AGO3: variants seen among roughly 807,000 people sequenced by gnomAD.
AGO3 encodes argonaute RISC catalytic component 3.
A neutral mutation model predicts 105.5 loss-of-function variants in AGO3; 16 were observed. The ratio of observed to expected loss-of-function variants is 0.15; its 90% CI spans 0.10 to 0.23. AGO3 has a LOEUF of 0.23. AGO3 is among the 10% of genes least tolerant of loss of function. The probability of loss-of-function intolerance (pLI) is 1.00; values close to 1 mark genes in which losing one functional copy is unlikely to be tolerated. For synonymous variants in AGO3, 340 were observed against 367.3 expected (o/e 0.93, Z 0.85); for missense variants, 534 against 1,088.0 (o/e 0.49, Z 7.16).
intron 17 of AGO3, among the ~76,000 whole-genome samples, chr1:36,047,221 C>T (rs781000513): frequency 2.6e-5 from 4 of 151,336 alleles, no homozygotes; most frequent in African/African-American, 4.9e-5. Flanking sequence ...CCGGCCTGGG[C>T]AACAAGAGCG....
intron 12 of AGO3, among the ~76,000 whole-genome samples, chr1:36,033,154 CA>C (rs530254923): frequency 2.0e-5 from 3 of 150,354 alleles, no homozygotes; most frequent in African/African-American, 4.9e-5. Flanking sequence ...AAAATAAAAA[CA>C]AAAAAAATAA....
chr1:36,011,250 T>C (rs1373080173), intron 9 of AGO3, among the ~76,000 whole-genome samples: 5 of 152,164 alleles, frequency 3.3e-5, no homozygotes, highest in Non-Finnish European at 7.4e-5. Flanking sequence ...TTATTGAAAA[T>C]AGGGATGCAA....
chr1:36,010,342 A>G (rs1403132183), intron 9 of AGO3, among the ~76,000 whole-genome samples: 1 of 152,054 alleles, frequency 6.6e-6, no homozygotes, highest in Non-Finnish European at 1.5e-5. Flanking sequence ...AGTGGCTCAC[A>G]TCTGTATTCC....
chr1:36,003,813 A>T (rs910403192), intron 5 of AGO3, among the ~76,000 whole-genome samples: 1 of 149,322 alleles, frequency 6.7e-6, no homozygotes, highest in Admixed American at 6.7e-5. Flanking sequence ...GACAGGGAAA[A>T]CTCTCTTTAG....
intron 1 of AGO3, among the ~76,000 whole-genome samples, chr1:35,943,625 A>G (rs2148747418): frequency 1.5e-5 from 2 of 136,032 alleles, no homozygotes; most frequent in Admixed American, 1.5e-4. Context: ...TTTTTAAGTA[A>G]AAGGGTCTCG....
At chr1:35,933,930 A>G (rs916713063) in intron 1 of AGO3, among the ~76,000 whole-genome samples, 2 of 152,142 alleles carry the variant, frequency 1.3e-5, no homozygotes, top group Non-Finnish European at 2.9e-5. Context: ...CTTTCATATG[A>G]AATATTTTAA....
chr1:36,009,673 AC>A (rs1407698083), intron 9 of AGO3, 79 bp downstream of exon 9: 1 of 1,397,020 alleles, frequency 7.2e-7, no homozygotes, highest in South Asian at 1.4e-5. Flanking sequence ...GTCCTTATCA[AC>A]CCATACCTTA....
intron 5 of AGO3, among the ~76,000 whole-genome samples, chr1:35,975,929 T>C (rs183356145): frequency 1.2e-3 from 184 of 152,076 alleles, no homozygotes; most frequent in Middle Eastern, 3.4e-3. Flanking sequence ...TTCTTTTTTT[T>C]TTTCTTTCTT....
chr1:35,943,706 C>T (rs1646302195), intron 1 of AGO3, among the ~76,000 whole-genome samples: 1 of 151,314 alleles, frequency 6.6e-6, no homozygotes, highest in Admixed American at 6.6e-5. Flanking sequence ...GGGGCTCAAG[C>T]GATTCTACCA....
rs77681801 is a variant in AGO3, at chr1:35,999,609, G to C, written c.659-4732G>C. On this transcript the variant is annotated intron_variant, in intron 5 of 18. Coordinates refer to ENST00000373191, the MANE Select transcript of AGO3 (RefSeq NM_024852.4). Reference sequence around the variant, plus strand: ...CTTTTGTTTAGATTTCATCTCAAATGCCTTATGTTTTTTGTTGTGATCATA... The same window carrying C: ...CTTTTGTTTAGATTTCATCTCAAATCCCTTATGTTTTTTGTTGTGATCATA... 4.4e-3 allele frequency among the ~76,000 whole-genome samples: 677 copies of C among 152,190 alleles called. 6 individuals are homozygous for C. The highest frequency in any genetic ancestry group is 0.015 in the African/African-American group (629 of 41,540).
intron 12 of AGO3, among the ~76,000 whole-genome samples, chr1:36,032,924 A>C (rs1641847803): frequency 6.6e-6 from 1 of 152,040 alleles, no homozygotes; most frequent in African/African-American, 2.4e-5. Flanking sequence ...CAGGAGTTCA[A>C]GACCAGCCTG....
chr1:35,996,896 A>T (rs1227536895), intron 5 of AGO3, among the ~76,000 whole-genome samples: 1 of 152,256 alleles, frequency 6.6e-6, no homozygotes, highest in East Asian at 1.9e-4. Context: ...TAGATTGACT[A>T]AATTTAAAAG....
In AGO3 at chr1:36,008,541, G is replaced by A. The variant is rs1371777875; in HGVS notation, c.794-149G>A. 2.9e-6 allele frequency: 2 copies of A among 700,412 alleles called. No individual in the cohort carries two copies. 43.4% of individuals were successfully genotyped at this position (700,412 alleles called of 1,614,324 possible). On this transcript the variant is annotated intron_variant, in intron 6 of 18. Transcript: ENST00000373191. The surrounding 1 kb of genome is among the most constrained non-coding windows in gnomAD (Gnocchi z 5.1). ...GTGACCATTATTAGCAATGTTATAT[G>A]TAAAATCTGGTGTTTATATCATCTT...
intron 12 of AGO3, 58 bp from the exon 13 acceptor site, chr1:36,034,116 A>G: frequency 7.0e-7 from 1 of 1,419,138 alleles, no homozygotes; most frequent in Non-Finnish European, 9.3e-7. Context: ...TATTTTCAGT[A>G]TGTAAAATTA....
At chr1:35,933,236 T>C (rs1465116096) in intron 1 of AGO3, among the ~76,000 whole-genome samples, 1 of 152,238 alleles carries the variant, frequency 6.6e-6, no homozygotes, top group Non-Finnish European at 1.5e-5. Context: ...AGATAAGCTA[T>C]ACTTTGGCTC....
intron 17 of AGO3, among the ~76,000 whole-genome samples, chr1:36,046,346 G>A (rs572194571): frequency 1.1e-3 from 164 of 152,226 alleles, no homozygotes; most frequent in African/African-American, 3.9e-3. Flanking sequence ...TGGCCTGACA[G>A]CCCTGTCGAG....
At chr1:35,997,218 G>A (rs1438954298) in intron 5 of AGO3, among the ~76,000 whole-genome samples, 1 of 152,046 alleles carries the variant, frequency 6.6e-6, no homozygotes, top group African/African-American at 2.4e-5. Flanking sequence ...GGTGGAGGTT[G>A]GAGTGAACTG....
intron 5 of AGO3, among the ~76,000 whole-genome samples, chr1:35,995,205 A>ATATATATATATATATAT (rs1553164834): frequency 1.8e-5 from 2 of 112,668 alleles, no homozygotes; most frequent in African/African-American, 8.9e-5. Flanking sequence ...TGTCTAAAAA[A>ATATATATATATATATAT]AAAAATATAT....
intron 1 of AGO3, among the ~76,000 whole-genome samples, chr1:35,935,465 G>T (rs1208079545): frequency 6.6e-6 from 1 of 152,196 alleles, no homozygotes; most frequent in East Asian, 1.9e-4. Context: ...TGAATGAAAA[G>T]ATATCTACAT....
Sources: gnomAD v4.1 joint callset for allele counts (sites outside exome capture counted in the v4.1 genomes callset) on GRCh38, gnomAD v4.1.1 for gene constraint, Gnocchi (gnomAD v3.1) non-coding constraint, MANE v1.5 for transcripts, NCBI Gene and HGNC (gene_info 2026-07-23, HGNC 2026-07-21) for gene names.